The following DTNA variants were observed in gnomAD, a reference collection of about 807,000 sequenced individuals.
DTNA encodes the protein dystrobrevin alpha.
In DTNA, 43 loss-of-function variants were observed where a neutral mutation model predicts 100.7. That is an observed-to-expected ratio of 0.43 (90% CI 0.33 to 0.55). The LOEUF is 0.55. Ranked by LOEUF, DTNA falls within the 20% of genes least tolerant of loss-of-function variation. The pLI is 0.04. For synonymous variants in DTNA, 349 were observed against 347.9 expected (o/e 1.00, Z -0.04); for missense variants, 798 against 953.9 (o/e 0.84, Z 2.15).
chr18:34,599,499 A>G (rs887622337), intron 1 of DTNA, among the ~76,000 whole-genome samples: 1 of 152,238 alleles, frequency 6.6e-6, no homozygotes, highest in Non-Finnish European at 1.5e-5. Flanking sequence ...GGACACTGGT[A>G]CTGAAGGATA....
rs945299444 is a variant in DTNA, at chr18:34,831,032, C to A, written c.1175+1543C>A. On this transcript the variant is annotated intron_variant, in intron 11 of 22. Transcript: ENST00000444659. ...AAAGGCTCTTTCTCCCCTTCACTGC[C>A]CACAGCTCTGTGCCTCTTAGGATCT... Among the ~76,000 whole-genome samples the A allele has an allele frequency of 3.3e-5, 5 of 152,168 alleles. No homozygotes were observed. The East Asian group carries it at 7.7e-4, about 23-fold the overall frequency.
chr18:34,555,084 T>C (rs1481384227), intron 1 of DTNA, among the ~76,000 whole-genome samples: 1 of 130,458 alleles, frequency 7.7e-6, no homozygotes, highest in Non-Finnish European at 1.6e-5. Context: ...AGATTCAACT[T>C]CTTCCTGGTT....
At chr18:34,866,626 A>C in intron 17 of DTNA, 1 of 1,011,652 alleles carries the variant, frequency 9.9e-7, no homozygotes, top group Non-Finnish European at 1.2e-6. Context: ...TATAAAAATC[A>C]GGCAATTAAA....
chr18:34,887,245 C>T (rs1415447941), intron 22 of DTNA, among the ~76,000 whole-genome samples: 7 of 152,260 alleles, frequency 4.6e-5, no homozygotes, highest in Admixed American at 1.3e-4. Context: ...TTTGAAGAAA[C>T]GGTATACATA....
intron 4 of DTNA, among the ~76,000 whole-genome samples, chr18:34,803,020 T>C (rs2095265047): frequency 6.6e-6 from 1 of 152,202 alleles, no homozygotes; most frequent in African/African-American, 2.4e-5. Context: ...GCTCCCATTC[T>C]CTGTTGTAGA....
chr18:34,525,337 C>T (rs994559098), intron 1 of DTNA, among the ~76,000 whole-genome samples: 9 of 152,092 alleles, frequency 5.9e-5, no homozygotes, highest in East Asian at 1.9e-4. Flanking sequence ...TGCTACCATT[C>T]GTTTCTCCAC....
At chr18:34,753,273 T>G (rs151227132) in intron 1 of DTNA, among the ~76,000 whole-genome samples, 365 of 152,244 alleles carry the variant, frequency 2.4e-3, no homozygotes, top group African/African-American at 8.2e-3. Flanking sequence ...GGCCTGCAAG[T>G]TCAGATGCCA....
At chr18:34,662,520 C>T (rs145956213) in intron 1 of DTNA, among the ~76,000 whole-genome samples, 2,292 of 152,180 alleles carry the variant, frequency 0.015, 49 homozygotes, top group African/African-American at 0.052. Context: ...ACAAAATTGA[C>T]ATGTGAGGGA....
chr18:34,794,285 T>C (rs761774114), intron 4 of DTNA, 35 bp downstream of exon 4: 16 of 1,613,040 alleles, frequency 9.9e-6, no homozygotes, highest in Non-Finnish European at 1.4e-5. Flanking sequence ...CCTCTCTACA[T>C]GTTTGGCTTT....
intron 1 of DTNA, among the ~76,000 whole-genome samples, chr18:34,684,853 G>A (rs2078650095): frequency 6.6e-6 from 1 of 152,222 alleles, no homozygotes; most frequent in Admixed American, 6.5e-5. Context: ...ACTGGCATGA[G>A]ATGGTATCTC....
rs113507874 is a variant in DTNA at position 34,815,842 on chromosome 18, A to G, written c.604-67A>G. On this transcript the variant is annotated intron_variant, in intron 6 of 22. Transcript: ENST00000444659. ...TTTTGTTTCAGTCTCAAATGATATG[A>G]TATTTACATAGCAGGTAAATTGAGA... 1.4e-3 allele frequency: 1,795 copies of G among 1,295,048 alleles called. 25 individuals are homozygous for G. In the African/African-American group the frequency reaches 0.022, roughly 16 times the overall value. 80.2% of individuals were successfully genotyped at this position (1,295,048 alleles called of 1,614,324 possible). A position where few individuals can be genotyped will look rare whatever the true frequency, so the allele number is the denominator to read the frequency against.
chr18:34,808,860 C>T lies in DTNA; in HGVS notation c.448+2556C>T, dbSNP rs2095425280. Among the ~76,000 whole-genome samples the T allele has an allele frequency of 5.3e-5, 8 of 152,256 alleles. No individual in the cohort carries two copies. The South Asian group carries it at 1.7e-3, about 32-fold the overall frequency. On this transcript the variant is annotated intron_variant, in intron 5 of 22. Transcript: ENST00000444659. ...AAGTTTTCTAGTCTGCAGAAACAAGCCCACAATATCACAGATTCTGTAGAA... is the reference window on the plus strand; with the variant it reads ...AAGTTTTCTAGTCTGCAGAAACAAGTCCACAATATCACAGATTCTGTAGAA...
chr18:34,855,773 C>T (rs765871031), intron 15 of DTNA, among the ~76,000 whole-genome samples: 32 of 152,184 alleles, frequency 2.1e-4, no homozygotes, highest in Non-Finnish European at 3.5e-4. Context: ...CACAAGCCCA[C>T]GAATATTTTA....
At chr18:34,780,115 AT>A (rs60467758) in intron 3 of DTNA, among the ~76,000 whole-genome samples, 11 of 152,338 alleles carry the variant, frequency 7.2e-5, no homozygotes, top group Non-Finnish European at 1.2e-4. Context: ...ATATATATAT[AT>A]AACATATTTA....
chr18:34,734,784 G>A (rs2089182819), intron 1 of DTNA, among the ~76,000 whole-genome samples: 1 of 152,076 alleles, frequency 6.6e-6, no homozygotes, highest in African/African-American at 2.4e-5. Context: ...TGCCTCTCAG[G>A]AGCAGTGAAT....
At chr18:34,873,490 CT>C in intron 17 of DTNA, among the ~76,000 whole-genome samples, 1 of 152,326 alleles carries the variant, frequency 6.6e-6, no homozygotes, top group South Asian at 2.1e-4. Flanking sequence ...CATTGAGGGA[CT>C]TTTTGCCAGC....
chr18:34,843,573 T>G (rs1022068058), intron 13 of DTNA, among the ~76,000 whole-genome samples: 2 of 152,114 alleles, frequency 1.3e-5, no homozygotes, highest in African/African-American at 4.8e-5. Context: ...GCAAATAACC[T>G]TTTTTCTCTA....
intron 1 of DTNA, among the ~76,000 whole-genome samples, chr18:34,511,302 A>G (rs1403466840): frequency 6.6e-6 from 1 of 152,148 alleles, no homozygotes; most frequent in East Asian, 1.9e-4. Context: ...AACAATTTTA[A>G]ACATTTCATC....
At chr18:34,753,393 T>TA (rs1237326745) in intron 1 of DTNA, among the ~76,000 whole-genome samples, 1 of 76,748 alleles carries the variant, frequency 1.3e-5, no homozygotes, top group African/African-American at 5.6e-5. Context: ...ATTTTTTATT[T>TA]TTTTTTTGAG....
Sources: gnomAD v4.1 joint callset for allele counts (sites outside exome capture counted in the v4.1 genomes callset) on GRCh38, gnomAD v4.1.1 for gene constraint, MANE v1.5 for transcripts, NCBI Gene and HGNC (gene_info 2026-07-23, HGNC 2026-07-21) for gene names.